The following SSBP3 variants were observed in gnomAD, a reference collection of about 807,000 sequenced individuals.
The protein encoded by SSBP3 is single stranded DNA binding protein 3.
Under a neutral mutation model 69.6 loss-of-function variants are expected in SSBP3, and 5 were observed. The observed-to-expected ratio is 0.07, with a 90% CI of 0.04 to 0.15. The LOEUF (loss-of-function observed/expected upper bound fraction) is 0.15. Among genes scored for constraint, SSBP3 ranks in the 10% least tolerant of loss-of-function variants. The pLI, the probability that SSBP3 is intolerant of heterozygous loss-of-function variation, is 1.00. For synonymous variants in SSBP3, 196 were observed against 193.4 expected (o/e 1.01, Z -0.11); for missense variants, 312 against 534.0 (o/e 0.58, Z 4.10).
chr1:54,301,569 CG>C (rs1260288463), intron 4 of SSBP3, among the ~76,000 whole-genome samples: 5 of 152,232 alleles, frequency 3.3e-5, no homozygotes, highest in Non-Finnish European at 7.3e-5. Flanking sequence ...CCCTCCCACG[CG>C]GGGACCCTCG....
intron 4 of SSBP3, among the ~76,000 whole-genome samples, chr1:54,300,918 G>A (rs1252362685): frequency 2.0e-5 from 3 of 152,180 alleles, no homozygotes; most frequent in Non-Finnish European, 4.4e-5. Context: ...ACCCCATCAG[G>A]AAATCCACTG....
intron 4 of SSBP3, among the ~76,000 whole-genome samples, chr1:54,324,510 T>A (rs1646267837): frequency 6.6e-6 from 1 of 150,382 alleles, no homozygotes; most frequent in Non-Finnish European, 1.5e-5. Flanking sequence ...CTGACATCCA[T>A]CCTGGGGACA....
chr1:54,240,121 C>CGT (rs1557449281), intron 13 of SSBP3, among the ~76,000 whole-genome samples: 1 of 13,492 alleles, frequency 7.4e-5, no homozygotes, highest in Non-Finnish European at 4.5e-4. Context: ...CGCGCGCGCG[C>CGT]AACACATGCC....
chr1:54,369,749 C>T (rs1158373871), intron 4 of SSBP3, among the ~76,000 whole-genome samples: 4 of 152,188 alleles, frequency 2.6e-5, no homozygotes, highest in Admixed American at 1.3e-4. Flanking sequence ...AGTCTGAGGA[C>T]GCTCAGAACA....
At chr1:54,298,078 G>A (rs1031021410) in intron 4 of SSBP3, among the ~76,000 whole-genome samples, 2 of 152,178 alleles carry the variant, frequency 1.3e-5, no homozygotes, top group African/African-American at 4.8e-5. Context: ...CCTGCAGGAA[G>A]CCTCCGGGTG....
intron 4 of SSBP3, among the ~76,000 whole-genome samples, chr1:54,349,075 A>G (rs560976430): frequency 3.9e-5 from 6 of 152,230 alleles, no homozygotes; most frequent in Admixed American, 2.0e-4. Context: ...AGATAAGATG[A>G]CAATTACCTG....
intron 4 of SSBP3, among the ~76,000 whole-genome samples, chr1:54,305,798 G>A (rs1468321239): frequency 6.7e-6 from 1 of 150,286 alleles, no homozygotes; most frequent in Non-Finnish European, 1.5e-5. Flanking sequence ...TAGGTGGAAA[G>A]AAACTCTCGC....
At chr1:54,248,698 A>G (rs1310851637) in intron 9 of SSBP3, among the ~76,000 whole-genome samples, 1 of 152,028 alleles carries the variant, frequency 6.6e-6, no homozygotes, top group African/African-American at 2.4e-5. Flanking sequence ...TGCACCATCA[A>G]CCTTGTCTGG....
intron 5 of SSBP3, among the ~76,000 whole-genome samples, chr1:54,280,591 G>C (rs1308484250): frequency 6.6e-6 from 1 of 152,180 alleles, no homozygotes; most frequent in East Asian, 1.9e-4. Context: ...AAGAACGAGA[G>C]ATGTTATGAT....
chr1:54,273,453 T>G (rs1645231069), intron 5 of SSBP3, among the ~76,000 whole-genome samples: 1 of 152,238 alleles, frequency 6.6e-6, no homozygotes, highest in Non-Finnish European at 1.5e-5. Context: ...AGTAACCTTT[T>G]GTCCACTGTT....
rs116192604 is a variant in SSBP3 at position 54,389,005 on chromosome 1, G to C, written c.276+12856C>G. ...CCAGGTTTCTGGAAAACTTCACTGG[G>C]GGCTCTTGAGGCATTGCTAATATTG... is the stretch of plus-strand genomic sequence containing the variant. On this transcript the variant is annotated intron_variant, in intron 4 of 17. Transcript: ENST00000610401. Among the ~76,000 whole-genome samples, 297 of 152,300 alleles carry C rather than the reference G, an allele frequency of 2.0e-3. 2 individuals carry two copies. Among genetic ancestry groups the C allele is most frequent in the African/African-American group, 6.9e-3 (286 of 41,588 alleles).
At chr1:54,345,209 G>A (rs143260713) in intron 4 of SSBP3, among the ~76,000 whole-genome samples, 4,157 of 152,242 alleles carry the variant, frequency 0.027, 173 homozygotes, top group Admixed American at 0.11. Flanking sequence ...GAACCCAGCC[G>A]TTAGAAACTA....
At chr1:54,373,318 C>T (rs1647166063) in intron 4 of SSBP3, among the ~76,000 whole-genome samples, 1 of 152,164 alleles carries the variant, frequency 6.6e-6, no homozygotes, top group Admixed American at 6.5e-5. Context: ...TCTTCCCTGT[C>T]TGGGACTCGG....
At chr1:54,265,175 G>A (rs1645080136) in intron 5 of SSBP3, among the ~76,000 whole-genome samples, 1 of 152,190 alleles carries the variant, frequency 6.6e-6, no homozygotes, top group African/African-American at 2.4e-5. Context: ...CAAGGAAAGG[G>A]AAGCTGACCA....
intron 4 of SSBP3, among the ~76,000 whole-genome samples, chr1:54,291,820 G>A (rs576209705): frequency 1.3e-5 from 2 of 152,364 alleles, no homozygotes; most frequent in South Asian, 4.1e-4. Flanking sequence ...CATTCAGGCA[G>A]CCCTCCACGC....
At chr1:54,305,528 C>A (rs1366979785) in intron 4 of SSBP3, among the ~76,000 whole-genome samples, 5 of 151,858 alleles carry the variant, frequency 3.3e-5, no homozygotes. Context: ...AGGCTCCAGG[C>A]CACTGGCTTC....
chr1:54,253,167 T>C (rs1644860061), intron 7 of SSBP3, among the ~76,000 whole-genome samples: 2 of 133,316 alleles, frequency 1.5e-5, no homozygotes, highest in South Asian at 5.3e-4. Flanking sequence ...AATTGGTATT[T>C]GTTTTTGTTT....
intron 4 of SSBP3, among the ~76,000 whole-genome samples, chr1:54,390,810 G>A (rs989194628): frequency 5.9e-5 from 9 of 152,244 alleles, no homozygotes; most frequent in Non-Finnish European, 8.8e-5. Flanking sequence ...AGCGGGCTCC[G>A]AGTGGGATCT....
intron 4 of SSBP3, among the ~76,000 whole-genome samples, chr1:54,354,856 A>C (rs1250662979): frequency 6.6e-6 from 1 of 152,226 alleles, no homozygotes; most frequent in Admixed American, 6.5e-5. Context: ...TTCAGAACAC[A>C]TCATCTGTAC....
Sources: allele counts gnomAD v4.1 joint callset (sites outside exome capture counted in the v4.1 genomes callset), GRCh38; gene constraint gnomAD v4.1.1; transcripts MANE v1.5; gene names NCBI Gene and HGNC (gene_info 2026-07-23, HGNC 2026-07-21).